The following ADK variants were observed in gnomAD, a reference collection of about 807,000 sequenced individuals.
The protein encoded by ADK is N6,N6-dimethyladenosine kinase.
A neutral mutation model predicts 44.7 loss-of-function variants in ADK; 24 were observed. The observed-to-expected ratio is 0.54, with a 90% CI of 0.39 to 0.76. The LOEUF is 0.76. Ranked by LOEUF, ADK falls within the 30% of genes least tolerant of loss-of-function variation. ADK has a pLI of 0.00. For synonymous variants in ADK, 128 were observed against 142.6 expected, an observed-to-expected ratio of 0.90 and a Z score of 0.73; for missense variants, 321 against 425.1, an observed-to-expected ratio of 0.76 and a Z score of 2.15.
At chr10:74,216,692 T>C (rs1016896968) in intron 2 of ADK, among the ~76,000 whole-genome samples, 2 of 149,544 alleles carry the variant, frequency 1.3e-5, no homozygotes, top group African/African-American at 5.0e-5. Flanking sequence ...GCCACTGTAC[T>C]TCAGCCTGGG....
intron 7 of ADK, among the ~76,000 whole-genome samples, chr10:74,535,152 C>T (rs1849408275): frequency 6.6e-6 from 1 of 152,168 alleles, no homozygotes; most frequent in Non-Finnish European, 1.5e-5. Flanking sequence ...TTTATGTTTT[C>T]TCTCTGCTTT....
At chr10:74,153,618 T>C (rs926231906) in intron 1 of ADK, among the ~76,000 whole-genome samples, 3 of 152,222 alleles carry the variant, frequency 2.0e-5, no homozygotes, top group African/African-American at 7.2e-5. Context: ...GCTCTATATA[T>C]GTTATCTCTT....
chr10:74,286,526 C>T (rs1847166860), intron 3 of ADK, among the ~76,000 whole-genome samples: 1 of 152,218 alleles, frequency 6.6e-6, no homozygotes, highest in African/African-American at 2.4e-5. Flanking sequence ...AACAGATTTA[C>T]TCATTTTACA....
chr10:74,360,137 T>C (rs1842288277), intron 4 of ADK, among the ~76,000 whole-genome samples: 1 of 152,140 alleles, frequency 6.6e-6, no homozygotes, highest in East Asian at 1.9e-4. Context: ...GGATGAAATG[T>C]TCTGTAAAGG....
intron 3 of ADK, among the ~76,000 whole-genome samples, chr10:74,252,666 A>G (rs1293529088): frequency 6.6e-6 from 1 of 152,320 alleles, no homozygotes; most frequent in South Asian, 2.1e-4. Context: ...GGTAAAAGGA[A>G]TAGAAAGTAA....
At chr10:74,254,867 C>G (rs1845771644) in intron 3 of ADK, among the ~76,000 whole-genome samples, 1 of 152,070 alleles carries the variant, frequency 6.6e-6, no homozygotes, top group Non-Finnish European at 1.5e-5. Flanking sequence ...TGCTATTAAA[C>G]TGTTGAGAGT....
chr10:74,431,740 C>CCAATAAAT (rs1554857512), intron 6 of ADK, among the ~76,000 whole-genome samples: 3 of 150,398 alleles, frequency 2.0e-5, no homozygotes, highest in African/African-American at 7.3e-5. Flanking sequence ...GACTCTGTCT[C>CCAATAAAT]CAATCAATCA....
chr10:74,417,769 A>G (rs2132998493), intron 6 of ADK, among the ~76,000 whole-genome samples: 1 of 152,038 alleles, frequency 6.6e-6, no homozygotes, highest in Non-Finnish European at 1.5e-5. Context: ...AAAAAGCAAA[A>G]TATCTGTTTT....
chr10:74,371,070 A>G (rs968723727), intron 4 of ADK, among the ~76,000 whole-genome samples: 40 of 152,336 alleles, frequency 2.6e-4, no homozygotes, highest in Non-Finnish European at 5.1e-4. Context: ...TCAATTTTCA[A>G]TGAAATCATT....
chr10:74,261,070 GTT>G (rs1469789165), intron 3 of ADK, among the ~76,000 whole-genome samples: 1 of 152,162 alleles, frequency 6.6e-6, no homozygotes, highest in Non-Finnish European at 1.5e-5. Flanking sequence ...GTTCTGAAAA[GTT>G]ATATAATAAT....
chr10:74,268,552 A>AT (rs1846303984), intron 3 of ADK, among the ~76,000 whole-genome samples: 4 of 152,196 alleles, frequency 2.6e-5, no homozygotes, highest in Non-Finnish European at 5.9e-5. Flanking sequence ...TGAAATACCT[A>AT]GCCTAGTGCC....
chr10:74,248,368 C>T (rs1845511845), intron 3 of ADK, among the ~76,000 whole-genome samples: 1 of 147,946 alleles, frequency 6.8e-6, no homozygotes, highest in South Asian at 2.1e-4. Flanking sequence ...TTTCAGATTG[C>T]TTTTTTTTTT....
At chr10:74,622,876 G>A (rs1013849144) in intron 9 of ADK, among the ~76,000 whole-genome samples, 5 of 152,046 alleles carry the variant, frequency 3.3e-5, no homozygotes, top group African/African-American at 1.2e-4. Context: ...GTGTGGTGGT[G>A]CATGCCTGTA....
At chr10:74,654,861 A>T (rs1416947346) in intron 9 of ADK, 1 of 152,256 alleles carries the variant, frequency 6.6e-6, no homozygotes, top group African/African-American at 2.4e-5. Context: ...AGGGCCTGCC[A>T]TTCAGACTTC....
intron 6 of ADK, among the ~76,000 whole-genome samples, chr10:74,415,373 A>AACATTCAGATGGCAG (rs150143958): frequency 0.019 from 2,871 of 152,274 alleles, 75 homozygotes; most frequent in African/African-American, 0.056. Context: ...AAAACTTATA[A>AACATTCAGATGGCAG]ACATTCAGAT....
intron 3 of ADK, among the ~76,000 whole-genome samples, chr10:74,293,831 A>G (rs946302978): frequency 2.6e-5 from 4 of 152,226 alleles, no homozygotes; most frequent in African/African-American, 9.6e-5. Flanking sequence ...TATAAAAATC[A>G]TAAGTGTACA....
intron 6 of ADK, among the ~76,000 whole-genome samples, chr10:74,452,100 A>T (rs1164406167): frequency 6.6e-6 from 1 of 151,932 alleles, no homozygotes; most frequent in African/African-American, 2.4e-5. Flanking sequence ...AGAAAGATAT[A>T]TCTCCCTTGA....
chr10:74,567,682 T>C (rs1564795902), intron 7 of ADK, among the ~76,000 whole-genome samples: 1 of 136,590 alleles, frequency 7.3e-6, no homozygotes, highest in Non-Finnish European at 1.5e-5. Context: ...TCTCTCTCTG[T>C]TTTTTTTGTT....
chr10:74,276,253 C>A (rs1428701155), intron 3 of ADK, among the ~76,000 whole-genome samples: 1 of 152,174 alleles, frequency 6.6e-6, no homozygotes. Flanking sequence ...TATCCTTCCC[C>A]TGTTTGAAGA....
Sources: allele counts gnomAD v4.1 joint callset (sites outside exome capture counted in the v4.1 genomes callset), GRCh38; gene constraint gnomAD v4.1.1; transcripts MANE v1.5; gene names NCBI Gene and HGNC (gene_info 2026-07-23, HGNC 2026-07-21).